ARHGEF28: variants seen among roughly 807,000 people sequenced by gnomAD.
ARHGEF28 encodes 190 kDa guanine nucleotide exchange factor.
ARHGEF28 carries 152 observed loss-of-function variants against 206.6 expected under a neutral mutation model. The observed-to-expected ratio is 0.74, with a 90% CI of 0.64 to 0.84. ARHGEF28 has a LOEUF of 0.84. Among genes scored for constraint, ARHGEF28 ranks in the 40% least tolerant of loss-of-function variants. ARHGEF28 has a pLI of 0.00. For synonymous variants in ARHGEF28, 763 were observed against 776.4 expected, an observed-to-expected ratio of 0.98 and a Z score of 0.29; for missense variants, 2,028 against 2,073.2, an observed-to-expected ratio of 0.98 and a Z score of 0.42.
intron 2 of ARHGEF28, among the ~76,000 whole-genome samples, chr5:73,690,595 G>A (rs1239200501): frequency 1.3e-5 from 2 of 150,910 alleles, no homozygotes; most frequent in Non-Finnish European, 2.9e-5. Context: ...CTACTTGGGA[G>A]GCTGAGGTGG....
At position 73,680,595 on chromosome 5, in the gene ARHGEF28, C is replaced by A. The variant is rs192627770; in HGVS notation, c.-11-4246C>A. Among the ~76,000 whole-genome samples, 6 of 151,956 alleles carry A rather than the reference C, an allele frequency of 3.9e-5. No homozygotes were observed. In the East Asian group the frequency reaches 9.7e-4, roughly 25 times the overall value. ...GCTCGGGTGATAGGTGTACCCAAAT[C>A]TCAGAAATCACCACTAAAGAACTTA... On this transcript the variant is annotated intron_variant, in intron 1 of 35. Coordinates refer to ENST00000513042, the MANE Select transcript of ARHGEF28 (RefSeq NM_001177693.2).
intron 35 of ARHGEF28, among the ~76,000 whole-genome samples, chr5:73,918,872 G>T (rs1045195765): frequency 2.0e-5 from 3 of 152,198 alleles, no homozygotes; most frequent in Admixed American, 2.0e-4. Flanking sequence ...CAGAGATTGT[G>T]ATTTGAATCA....
chr5:73,826,355 G>T (rs1454445973), intron 9 of ARHGEF28, among the ~76,000 whole-genome samples: 1 of 152,134 alleles, frequency 6.6e-6, no homozygotes, highest in African/African-American at 2.4e-5. Context: ...TAAAGGTCTA[G>T]AGTTAAAACA....
intron 16 of ARHGEF28, among the ~76,000 whole-genome samples, chr5:73,859,009 T>A (rs1759223060): frequency 6.6e-6 from 1 of 152,148 alleles, no homozygotes; most frequent in African/African-American, 2.4e-5. Flanking sequence ...ATTGCAACAC[T>A]CTTTCCTCAG....
rs1759679946 is a variant in ARHGEF28 at position 73,865,981 on chromosome 5, A to G, written c.2120A>G (p.Tyr707Cys). The G allele has an allele frequency of 1.9e-6, 3 of 1,602,612 alleles. No individual in the cohort carries two copies. The highest frequency in any genetic ancestry group is 3.4e-5 in the Admixed American group (2 of 58,080). Residue 707 changes from tyrosine to cysteine, a missense_variant, in exon 18 of 36, where the codon TAT becomes TGT. By Grantham distance (194) the Tyr-to-Cys change is radical. This residue lies in a region of ARHGEF28 where 1,002 missense variants were observed against 1,015.3 expected (regional missense o/e 0.99). Transcript: ENST00000513042. ...CTTTACCAGAAATTCCAAGAGAAAT[A>G]TAACAAGAACAAACCACAGACCATC... ...PACTKKFQEK[Y>C]NKNKPQTILG...
At chr5:73,720,690 T>A (rs2112329131) in intron 2 of ARHGEF28, among the ~76,000 whole-genome samples, 1 of 152,336 alleles carries the variant, frequency 6.6e-6, no homozygotes, top group South Asian at 2.1e-4. Flanking sequence ...AGTCATGGGC[T>A]GGATGGACCA....
intron 1 of ARHGEF28, among the ~76,000 whole-genome samples, chr5:73,662,107 T>G (rs532117364): frequency 6.6e-6 from 1 of 152,330 alleles, no homozygotes; most frequent in African/African-American, 2.4e-5. Context: ...TGTTAGTTTC[T>G]TGGATTACAT....
At chr5:73,764,454 C>G (rs1467174494) in intron 4 of ARHGEF28, among the ~76,000 whole-genome samples, 1 of 152,120 alleles carries the variant, frequency 6.6e-6, no homozygotes, top group African/African-American at 2.4e-5. Flanking sequence ...GTATATCTTG[C>G]CAATATGAGA....
chr5:73,899,077 C>T (rs1762120796), intron 30 of ARHGEF28: 1 of 151,176 alleles, frequency 6.6e-6, no homozygotes, highest in Non-Finnish European at 1.5e-5. Context: ...TTTTAAACAT[C>T]AGCACCACTA....
At chr5:73,926,780 T>C (rs996790549) in intron 35 of ARHGEF28, among the ~76,000 whole-genome samples, 7 of 152,226 alleles carry the variant, frequency 4.6e-5, no homozygotes, top group Non-Finnish European at 7.3e-5. Context: ...ACAATGTTCA[T>C]TAGCCACTTA....
intron 35 of ARHGEF28, among the ~76,000 whole-genome samples, chr5:73,925,540 G>A (rs936783656): frequency 1.3e-5 from 2 of 152,164 alleles, no homozygotes; most frequent in Admixed American, 1.3e-4. Flanking sequence ...ACTGTCTACT[G>A]TCCAGTCAGT....
In ARHGEF28 at chr5:73,834,119, T is replaced by C. The variant is rs180787837; in HGVS notation, c.1146+1660T>C. ...TAAAGAATACAATGTAATGTTTTGA[T>C]ACATGTACATATTATGAGATAATTA... On this transcript the variant is annotated intron_variant, in intron 10 of 35. Transcript: ENST00000513042. Among the ~76,000 whole-genome samples, 510 of 152,328 alleles carry C rather than the reference T, an allele frequency of 3.3e-3. 5 individuals are homozygous for C. The highest frequency in any genetic ancestry group is 0.01 in the African/African-American group (430 of 41,572).
rs1486784938 is a variant in ARHGEF28, at chr5:73,753,157, G to C, written c.430G>C (p.Glu144Gln). ...EELVLALTHL[E>Q]LPLEWTVLGS... ...GCTCGTGCTGGCTCTGACCCATCTGGAATTGCCTCTAGAGTGGACTGTGTT... is the reference window on the plus strand; with the variant it reads ...GCTCGTGCTGGCTCTGACCCATCTGCAATTGCCTCTAGAGTGGACTGTGTT... Residue 144 changes from glutamate (E) to glutamine (Q), a missense_variant, in exon 4 of 36, where the codon GAA becomes CAA. Glu to Gln is a conservative substitution (Grantham distance 29). Coordinates refer to ENST00000513042, the MANE Select transcript of ARHGEF28 (RefSeq NM_001177693.2). 6.4e-7 allele frequency: 1 copy of C among 1,551,058 alleles called. No individual in the cohort carries two copies. Among genetic ancestry groups the C allele is most frequent in the Non-Finnish European group, 8.7e-7 (1 of 1,151,022 alleles).
intron 2 of ARHGEF28, among the ~76,000 whole-genome samples, chr5:73,689,365 G>C (rs1580485036): frequency 6.6e-6 from 1 of 152,022 alleles, no homozygotes; most frequent in African/African-American, 2.4e-5. Flanking sequence ...TTTATTTTGA[G>C]ATGGGGCCTC....
chr5:73,825,851 C>T (rs1040880418), intron 9 of ARHGEF28, among the ~76,000 whole-genome samples: 23 of 152,100 alleles, frequency 1.5e-4, no homozygotes, highest in Non-Finnish European at 5.9e-5. Context: ...CTTGAAATGA[C>T]TGCTAGAACA....
intron 9 of ARHGEF28, among the ~76,000 whole-genome samples, chr5:73,806,398 A>AC (rs1362428829): frequency 7.7e-6 from 1 of 129,518 alleles, no homozygotes; most frequent in Admixed American, 8.2e-5. Flanking sequence ...AGATATATAT[A>AC]CATATATAGA....
intron 4 of ARHGEF28, among the ~76,000 whole-genome samples, chr5:73,756,097 T>C (rs1387484180): frequency 2.6e-5 from 4 of 152,216 alleles, no homozygotes; most frequent in African/African-American, 9.6e-5. Flanking sequence ...ATTTTAGTTC[T>C]GGTGCTGCAC....
chr5:73,821,935 C>T (rs947690839), intron 9 of ARHGEF28, among the ~76,000 whole-genome samples: 17 of 152,224 alleles, frequency 1.1e-4, no homozygotes, highest in East Asian at 5.8e-4. Flanking sequence ...TACTACAATG[C>T]GGAGTGAGGA....
At chr5:73,867,814 G>T in intron 18 of ARHGEF28, 62 bp from the exon 19 acceptor site, 1 of 1,606,128 alleles carries the variant, frequency 6.2e-7, no homozygotes, top group South Asian at 1.1e-5. Flanking sequence ...GCTTTTAAGT[G>T]ACTACTTTTA....
Sources: gnomAD v4.1 joint callset for allele counts (sites outside exome capture counted in the v4.1 genomes callset) on GRCh38, gnomAD v4.1.1 for gene constraint, gnomAD v4.1.1 regional missense constraint, MANE v1.5 for transcripts, NCBI Gene and HGNC (gene_info 2026-07-23, HGNC 2026-07-21) for gene names.